Variants in TRERF1 observed in about 807,000 individuals in gnomAD.
TRERF1 encodes transcriptional regulating factor 1, also known as transcriptional-regulating factor 1.
TRERF1 carries 27 observed loss-of-function variants against 122.9 expected under a neutral mutation model. That is an observed-to-expected ratio of 0.22 (90% CI 0.16 to 0.30). The LOEUF (loss-of-function observed/expected upper bound fraction) is 0.30, where lower values mean the gene tolerates loss of function less well. Ranked by LOEUF, TRERF1 falls within the 10% of genes least tolerant of loss-of-function variation. TRERF1 has a pLI of 1.00. For synonymous variants in TRERF1, 636 were observed against 641.7 expected, an observed-to-expected ratio of 0.99 and a Z score of 0.13; for missense variants, 1,248 against 1,560.3, an observed-to-expected ratio of 0.80 and a Z score of 3.37.
intron 15 of TRERF1, 137 bp downstream of exon 15, chr6:42,243,111 A>T: frequency 1.4e-6 from 1 of 708,116 alleles, no homozygotes; most frequent in Non-Finnish European, 2.5e-6. Context: ...TGAATCCTGC[A>T]GGAGAGCTGG....
rs879204252 is a variant in TRERF1, at chr6:42,259,836, AC to A, written c.1885-114del. 1.6e-5 allele frequency: 22 copies of A among 1,387,406 alleles called. No individual in the cohort carries two copies. The highest frequency in any genetic ancestry group is 2.8e-5 in the South Asian group (2 of 71,076). 85.9% of individuals were successfully genotyped at this position (1,387,406 alleles called of 1,614,324 possible). On this transcript the variant is annotated intron_variant, in intron 8 of 17. Transcript: ENST00000372922. This position sits in a 1 kb window ranked among gnomAD's most constrained non-coding sequence, Gnocchi z 4.9. The stretch of plus-strand genomic sequence containing the variant: ...TCTAAGCAGAGAGCCCTTCTGCTTG[AC>A]CCCCCCACCCCCAACGCCCCCACAT...
intron 15 of TRERF1, among the ~76,000 whole-genome samples, chr6:42,242,891 T>C (rs1242357301): frequency 6.6e-6 from 1 of 152,118 alleles, no homozygotes; most frequent in Non-Finnish European, 1.5e-5. Context: ...ATCTATGACA[T>C]GGAAAGATCA....
At chr6:42,447,405 C>A (rs1360980545) in intron 2 of TRERF1, among the ~76,000 whole-genome samples, 2 of 152,226 alleles carry the variant, frequency 1.3e-5, no homozygotes, top group Admixed American at 6.5e-5. Flanking sequence ...CTTGTGGCAA[C>A]GCACGCCAGT....
At chr6:42,344,452 T>G (rs1202575175) in intron 3 of TRERF1, among the ~76,000 whole-genome samples, 2 of 152,168 alleles carry the variant, frequency 1.3e-5, no homozygotes, top group African/African-American at 4.8e-5. Flanking sequence ...CCCAAAACCG[T>G]GTAGCTAGTA....
chr6:42,325,266 C>T (rs1209454040), intron 3 of TRERF1, among the ~76,000 whole-genome samples: 5 of 152,208 alleles, frequency 3.3e-5, no homozygotes, highest in South Asian at 2.1e-4. Context: ...CAGATGTTAG[C>T]GCGGCTGTGG....
At chr6:42,442,743 A>T (rs1474908378) in intron 2 of TRERF1, among the ~76,000 whole-genome samples, 1 of 152,222 alleles carries the variant, frequency 6.6e-6, no homozygotes, top group Non-Finnish European at 1.5e-5. Context: ...CACCCAGATG[A>T]TCTTCCTGGT....
chr6:42,278,794 G>A (rs963983338), intron 4 of TRERF1, among the ~76,000 whole-genome samples: 9 of 152,176 alleles, frequency 5.9e-5, no homozygotes, highest in African/African-American at 1.7e-4. Flanking sequence ...AGGAGGAGCT[G>A]CTAAGAGAAT....
intron 2 of TRERF1, among the ~76,000 whole-genome samples, chr6:42,427,549 C>T (rs983059006): frequency 5.5e-5 from 7 of 127,330 alleles, no homozygotes; most frequent in African/African-American, 3.0e-4. Flanking sequence ...CCTTGCCCTG[C>T]CTTACTTTTT....
chr6:42,304,465 C>G (rs1051633556), intron 3 of TRERF1, among the ~76,000 whole-genome samples: 6 of 152,192 alleles, frequency 3.9e-5, no homozygotes, highest in Admixed American at 3.3e-4. Context: ...AGCACTATAC[C>G]CAGTGAGTGG....
intron 2 of TRERF1, among the ~76,000 whole-genome samples, chr6:42,435,665 T>C (rs1240271415): frequency 6.6e-6 from 1 of 152,132 alleles, no homozygotes. Flanking sequence ...AAATTCCTAA[T>C]AATAGGGACT....
At chr6:42,347,834 C>A (rs1249765826) in intron 3 of TRERF1, among the ~76,000 whole-genome samples, 1 of 152,208 alleles carries the variant, frequency 6.6e-6, no homozygotes, top group Non-Finnish European at 1.5e-5. Flanking sequence ...AGCAACAGAG[C>A]TGGACAAAGT....
At chr6:42,233,031 C>T (rs1770926254) in intron 16 of TRERF1, 103 bp from the exon 17 acceptor site, 3 of 1,263,422 alleles carry the variant, frequency 2.4e-6, no homozygotes, top group Non-Finnish European at 3.2e-6. Flanking sequence ...AAACTTTGGG[C>T]ATATGCTACA....
Position 42,236,419 on chromosome 6 carries a change from TA to T in TRERF1, c.2860-9del. The T allele has an allele frequency of 6.4e-7, 1 of 1,550,926 alleles. No individual in the cohort carries two copies. The highest frequency in any genetic ancestry group is 8.7e-7 in the Non-Finnish European group (1 of 1,147,012). Reference sequence around the variant, plus strand: ...TTCTTCTTCTTCACTTGTCTAGTGTTAAGGTAATAAAAGCAAGAGGGGAAAA... The same window carrying T: ...TTCTTCTTCTTCACTTGTCTAGTGTTAGGTAATAAAAGCAAGAGGGGAAAA... On this transcript the variant is annotated splice_polypyrimidine_tract_variant and intron_variant, in intron 15 of 17. Transcript: ENST00000372922.
At chr6:42,277,587 A>T (rs1044253780) in intron 4 of TRERF1, among the ~76,000 whole-genome samples, 3 of 152,180 alleles carry the variant, frequency 2.0e-5, no homozygotes, top group Non-Finnish European at 4.4e-5. Flanking sequence ...GTGGTGGCTC[A>T]TGCCTCTAAT....
chr6:42,427,185 A>T (rs1471673467), intron 2 of TRERF1, among the ~76,000 whole-genome samples: 1 of 152,124 alleles, frequency 6.6e-6, no homozygotes, highest in African/African-American at 2.4e-5. Flanking sequence ...ATTTGTTTTT[A>T]AAAAAGAACT....
At chr6:42,287,902 A>C (rs35839954) in intron 4 of TRERF1, among the ~76,000 whole-genome samples, 4,140 of 152,122 alleles carry the variant, frequency 0.027, 55 homozygotes, top group Non-Finnish European at 0.037. Flanking sequence ...GAAAGCCCTC[A>C]CAATCTGGTC....
At chr6:42,338,624 G>A (rs929428418) in intron 3 of TRERF1, among the ~76,000 whole-genome samples, 7 of 152,138 alleles carry the variant, frequency 4.6e-5, no homozygotes, top group Admixed American at 2.0e-4. Flanking sequence ...CTCACGTGGT[G>A]CTCCCTCTGC....
At chr6:42,340,060 G>A (rs996384149) in intron 3 of TRERF1, among the ~76,000 whole-genome samples, 1 of 152,090 alleles carries the variant, frequency 6.6e-6, no homozygotes, top group Non-Finnish European at 1.5e-5. Flanking sequence ...CCACCCCAGG[G>A]CTAAGTCTTG....
Position 42,272,596 on chromosome 6 carries a change from G to A in TRERF1, c.-258-2748C>T, listed in dbSNP as rs114115640. On this transcript the variant is annotated intron_variant, in intron 4 of 17. Coordinates refer to ENST00000372922, the Ensembl canonical transcript of TRERF1. The stretch of plus-strand genomic sequence containing the variant: ...GAGTCATGTCCAGATGAAAATTTGA[G>A]AAGCACTGAATTAGCAGACTCTTGC... Among the ~76,000 whole-genome samples the A allele has an allele frequency of 3.4e-3, 525 of 152,322 alleles. 2 individuals carry two copies. Among genetic ancestry groups the A allele is most frequent in the African/African-American group, 0.012 (507 of 41,552 alleles).
Sources: allele counts gnomAD v4.1 joint callset (sites outside exome capture counted in the v4.1 genomes callset), GRCh38; gene constraint gnomAD v4.1.1; non-coding constraint Gnocchi (gnomAD v3.1); transcripts MANE v1.5; gene names NCBI Gene and HGNC (gene_info 2026-07-23, HGNC 2026-07-21).